Variants in GRIA2 observed in about 807,000 individuals in gnomAD.
GRIA2 encodes the protein glutamate ionotropic receptor AMPA type subunit 2.
GRIA2 carries 14 observed loss-of-function variants against 97.3 expected under a neutral mutation model. The observed-to-expected ratio is 0.14, with a 90% CI of 0.10 to 0.23. The LOEUF is 0.23. GRIA2 is among the 10% of genes least tolerant of loss of function. GRIA2 has a pLI of 1.00. For synonymous variants in GRIA2, 412 were observed against 387.8 expected, an observed-to-expected ratio of 1.06 and a Z score of -0.73; for missense variants, 558 against 1,069.8, an observed-to-expected ratio of 0.52 and a Z score of 6.67.
At chr4:157,275,239 T>C (rs962164413) in intron 2 of GRIA2, among the ~76,000 whole-genome samples, 41 of 152,316 alleles carry the variant, frequency 2.7e-4, no homozygotes, top group Non-Finnish European at 4.7e-4. Context: ...TGTAAATTTG[T>C]TTGAGTTCAT....
chr4:157,295,818 C>T (rs1013361332), intron 2 of GRIA2, among the ~76,000 whole-genome samples: 5 of 152,092 alleles, frequency 3.3e-5, no homozygotes, highest in African/African-American at 1.2e-4. Context: ...GGAAACCTAA[C>T]ATTACATGCA....
intron 2 of GRIA2, among the ~76,000 whole-genome samples, chr4:157,263,161 T>C (rs1731622226): frequency 6.6e-6 from 1 of 152,084 alleles, no homozygotes; most frequent in African/African-American, 2.4e-5. Context: ...TATTAAGCTC[T>C]TCAATTTAAA....
In GRIA2 at chr4:157,342,947, C is replaced by T. The variant is rs1735609457; in HGVS notation, c.2043+1485C>T. 2.6e-5 allele frequency among the ~76,000 whole-genome samples: 4 copies of T among 152,196 alleles called. No individual in the cohort carries two copies. The South Asian group carries it at 8.3e-4, about 32-fold the overall frequency. On this transcript the variant is annotated intron_variant, in intron 12 of 15. Transcript: ENST00000264426. Reference sequence around the variant, plus strand: ...ACACATTCACATTCACAAAGCTTTTCAGTATATCTTCACTGAGTCAATCAT... The same window carrying T: ...ACACATTCACATTCACAAAGCTTTTTAGTATATCTTCACTGAGTCAATCAT...
Position 157,361,166 on chromosome 4 carries a change from A to C in GRIA2, c.2406+42A>C. The C allele has an allele frequency of 6.9e-7, 1 of 1,446,778 alleles. No individual in the cohort carries two copies. The highest frequency in any genetic ancestry group is 9.7e-7 in the Non-Finnish European group (1 of 1,028,706). 89.6% of individuals were successfully genotyped at this position (1,446,778 alleles called of 1,614,324 possible). On this transcript the variant is annotated intron_variant, in intron 14 of 15. Transcript: ENST00000264426. The surrounding 1 kb of genome is among the most constrained non-coding windows in gnomAD (Gnocchi z 5.2). ...AAAGTAATGGGTAACTCAATGCAAA[A>C]CAAAGTAAGCAGCAGCTATGCACAG... is the stretch of plus-strand genomic sequence containing the variant.
At chr4:157,332,723 G>A in intron 6 of GRIA2, 96 bp from the exon 7 acceptor site, 1 of 777,710 alleles carries the variant, frequency 1.3e-6, no homozygotes, top group Non-Finnish European at 2.1e-6. Context: ...CTTTTAAATG[G>A]TATTGTGTGC....
Position 157,341,408 on chromosome 4 carries a change from A to G in GRIA2, c.1989A>G (p.Gln663=), listed in dbSNP as rs750311523. ...AAAGTGCTGAGGATCTTTCTAAGCA[A>G]ACAGAAATTGCTTATGGAACATTAG... ...PIESAEDLSK[Q]TEIAYGTLDS... The change falls in exon 12 of 16, where the codon CAA becomes CAG. Residue 663 remains glutamine, a synonymous_variant. Coordinates refer to ENST00000264426, the MANE Select transcript of GRIA2 (RefSeq NM_001083619.3). The G allele has an allele frequency of 6.2e-7, 1 of 1,612,982 alleles. No homozygotes were observed. The highest frequency in any genetic ancestry group is 8.5e-7 in the Non-Finnish European group (1 of 1,179,098).
chr4:157,260,140 A>T (rs531978348), intron 2 of GRIA2, among the ~76,000 whole-genome samples: 1 of 152,176 alleles, frequency 6.6e-6, no homozygotes, highest in East Asian at 1.9e-4. Flanking sequence ...TTTGAAAGTG[A>T]TCTGTGACTT....
chr4:157,303,787 C>T lies in GRIA2; in HGVS notation c.465C>T (p.Asp155=). The change falls in exon 3 of 16, where the codon GAC becomes GAT. Residue 155 remains aspartate (D), a synonymous_variant. Transcript: ENST00000264426. ...AGTTTGCATACCTCTATGACAGTGACAGAGGTAAGTGACAGTATCTCATCT... is the reference window on the plus strand; with the variant it reads ...AGTTTGCATACCTCTATGACAGTGATAGAGGTAAGTGACAGTATCTCATCT... The part of the protein sequence containing the change: ...WDKFAYLYDS[D]RGLSTLQAVL... The T allele has an allele frequency of 6.2e-7, 1 of 1,612,888 alleles. No individual in the cohort carries two copies. The highest frequency in any genetic ancestry group is 1.3e-5 in the African/African-American group (1 of 75,002).
At position 157,364,848 on chromosome 4, in the gene GRIA2, T is replaced by C. The variant is rs1365736846; in HGVS notation, c.*1417T>C. ...ATTATTTTTATATTTATTCCTCAGG[T>C]GGAATGGCTATTTTAATATGCCCAG... On this transcript the variant is annotated 3_prime_UTR_variant, in exon 16 of 16. Transcript: ENST00000264426. 1 of 151,836 alleles carries C rather than the reference T, an allele frequency of 6.6e-6. No homozygotes were observed. The highest frequency in any genetic ancestry group is 2.4e-5 in the African/African-American group (1 of 41,404). 9.4% of individuals were successfully genotyped at this position (151,836 alleles called of 1,614,324 possible). A position where few individuals can be genotyped will look rare whatever the true frequency, so the allele number is the denominator to read the frequency against.
chr4:157,287,142 AT>A (rs1732882835), intron 2 of GRIA2, among the ~76,000 whole-genome samples: 1 of 151,588 alleles, frequency 6.6e-6, no homozygotes, highest in Non-Finnish European at 1.5e-5. Context: ...TATTTTAATA[AT>A]TATTTACCAG....
chr4:157,220,417 G>A (rs1729430412), upstream of GRIA2: 1 of 152,174 alleles, frequency 6.6e-6, no homozygotes, highest in African/African-American at 2.4e-5. Context: ...AAAGGCCGAG[G>A]CGCGCGGTGG....
chr4:157,328,166 A>G (rs1380529129), intron 6 of GRIA2, among the ~76,000 whole-genome samples: 3 of 152,054 alleles, frequency 2.0e-5, no homozygotes, highest in African/African-American at 7.2e-5. Flanking sequence ...TAAAAATAAA[A>G]ATGTGTTATT....
chr4:157,314,306 T>A (rs1734216524), intron 4 of GRIA2, among the ~76,000 whole-genome samples: 1 of 152,202 alleles, frequency 6.6e-6, no homozygotes. Context: ...ACATAAATGT[T>A]GATTAAATCC....
chr4:157,294,452 A>G (rs573052386), intron 2 of GRIA2, among the ~76,000 whole-genome samples: 2 of 151,978 alleles, frequency 1.3e-5, no homozygotes, highest in Admixed American at 6.6e-5. Context: ...GAAGAAGAGA[A>G]AAAAAAAGAG....
chr4:157,293,860 A>G (rs532370562), intron 2 of GRIA2, among the ~76,000 whole-genome samples: 23 of 152,226 alleles, frequency 1.5e-4, no homozygotes, highest in Non-Finnish European at 7.4e-5. Context: ...CCAGGACTCA[A>G]TGCATCAAGG....
intron 2 of GRIA2, among the ~76,000 whole-genome samples, chr4:157,233,019 AT>A (rs1730090488): frequency 6.6e-6 from 1 of 152,150 alleles, no homozygotes; most frequent in Non-Finnish European, 1.5e-5. Context: ...AATTAGCAAT[AT>A]TTTATTATTA....
At chr4:157,280,969 A>T (rs1042431771) in intron 2 of GRIA2, among the ~76,000 whole-genome samples, 3 of 151,956 alleles carry the variant, frequency 2.0e-5, no homozygotes, top group Admixed American at 1.3e-4. Flanking sequence ...ATCTCATTCA[A>T]TTAACAGTCT....
rs754643053 is a variant in GRIA2, at chr4:157,365,207, T to C, written c.*1776T>C. On this transcript the variant is annotated 3_prime_UTR_variant, in exon 16 of 16. Coordinates refer to ENST00000264426, the MANE Select transcript of GRIA2 (RefSeq NM_001083619.3). ...CACTTGCATTGAACATGGAGGCATGTGGTATCATGATATTCTTCACTAAAT... is the reference window on the plus strand; with the variant it reads ...CACTTGCATTGAACATGGAGGCATGCGGTATCATGATATTCTTCACTAAAT... 2 of 151,644 alleles carry C rather than the reference T, an allele frequency of 1.3e-5. No homozygotes were observed. The highest frequency in any genetic ancestry group is 3.0e-5 in the Non-Finnish European group (2 of 67,672). The allele number at this position is 151,644 out of a possible 1,614,324, so 9.4% of individuals were successfully genotyped here.
chr4:157,268,886 G>A (rs1397375541), intron 2 of GRIA2, among the ~76,000 whole-genome samples: 1 of 151,980 alleles, frequency 6.6e-6, no homozygotes, highest in Non-Finnish European at 1.5e-5. Flanking sequence ...CACATAAATA[G>A]ACCTTTTCTC....
Sources: gnomAD v4.1 joint callset for allele counts (sites outside exome capture counted in the v4.1 genomes callset) on GRCh38, gnomAD v4.1.1 for gene constraint, Gnocchi (gnomAD v3.1) non-coding constraint, MANE v1.5 for transcripts, NCBI Gene and HGNC (gene_info 2026-07-23, HGNC 2026-07-21) for gene names.